The following WAPL variants were observed in gnomAD, a reference collection of about 807,000 sequenced individuals.
WAPL encodes WAPL cohesin release factor.
In WAPL, 5 loss-of-function variants were observed where a neutral mutation model predicts 121.0. That is an observed-to-expected ratio of 0.04 (90% confidence interval 0.02 to 0.09). The LOEUF (loss-of-function observed/expected upper bound fraction) is 0.09. Ranked by LOEUF, WAPL falls within the 10% of genes least tolerant of loss-of-function variation. WAPL has a pLI of 1.00. For synonymous variants in WAPL, 480 were observed against 481.5 expected (o/e 1.00, Z 0.04); for missense variants, 999 against 1,410.8 (o/e 0.71, Z 4.68).
Position 86,488,762 on chromosome 10 carries a change from C to T in WAPL, c.1644+8439G>A, listed in dbSNP as rs536242159. On this transcript the variant is annotated intron_variant, in intron 4 of 18. Transcript: ENST00000298767. ...TAAAAATACATGCATATACTCTAAC[C>T]TACATGGAGGGGAAGAAAATATCTA... Among the ~76,000 whole-genome samples the T allele has an allele frequency of 4.6e-5, 7 of 152,264 alleles. No individual in the cohort carries two copies. The South Asian group carries it at 1.4e-3, about 32-fold the overall frequency.
chr10:86,462,287 T>C (rs1841296495), intron 9 of WAPL, among the ~76,000 whole-genome samples: 1 of 152,218 alleles, frequency 6.6e-6, no homozygotes, highest in South Asian at 2.1e-4. Flanking sequence ...GAGTTTACAT[T>C]AAGTCCTTCA....
At chr10:86,481,700 A>G (rs1371493531) in intron 4 of WAPL, among the ~76,000 whole-genome samples, 1 of 152,130 alleles carries the variant, frequency 6.6e-6, no homozygotes, top group Non-Finnish European at 1.5e-5. Flanking sequence ...TTATTTTTAT[A>G]TAAAAAAGAA....
chr10:86,507,880 A>G (rs1842382335), intron 2 of WAPL, among the ~76,000 whole-genome samples: 1 of 152,070 alleles, frequency 6.6e-6, no homozygotes. Flanking sequence ...TAAATTCCAC[A>G]GTCTATCTTC....
intron 16 of WAPL, among the ~76,000 whole-genome samples, chr10:86,444,257 T>C (rs1849545471): frequency 6.6e-6 from 1 of 152,176 alleles, no homozygotes; most frequent in East Asian, 1.9e-4. Flanking sequence ...GAATGTAAAA[T>C]AGTGCAGCCA....
At chr10:86,487,101 G>A (rs1311827285) in intron 4 of WAPL, among the ~76,000 whole-genome samples, 7 of 151,900 alleles carry the variant, frequency 4.6e-5, no homozygotes, top group Non-Finnish European at 8.8e-5. Flanking sequence ...AACCAACCCC[G>A]CAAGCACTGA....
intron 17 of WAPL, 106 bp from the exon 18 acceptor site, chr10:86,438,121 A>T: frequency 1.4e-6 from 1 of 735,676 alleles, no homozygotes; most frequent in Non-Finnish European, 2.3e-6. Flanking sequence ...AATTTTTAAG[A>T]TCCTTGGAAC....
At chr10:86,496,000 GCTA>G (rs1842143281) in intron 4 of WAPL, among the ~76,000 whole-genome samples, 1 of 152,150 alleles carries the variant, frequency 6.6e-6, no homozygotes, top group Non-Finnish European at 1.5e-5. Flanking sequence ...TGTAATCCCA[GCTA>G]CTTGGGAGGC....
rs563304716 is a variant in WAPL, at chr10:86,512,235, C to CAATACCA, written c.499+5329_499+5335dup. Among the ~76,000 whole-genome samples the CAATACCA allele has an allele frequency of 2.6e-4, 39 of 152,304 alleles. No individual in the cohort carries two copies. In the East Asian group the frequency reaches 6.7e-3, roughly 26 times the overall value. Reference sequence around the variant, plus strand: ...TAAATCCAAGTTCAAAATCTCCTGACAATACCATCCCTCTAACTTACACAA... The same window carrying CAATACCA: ...TAAATCCAAGTTCAAAATCTCCTGACAATACCAAATACCATCCCTCTAACTTACACAA... On this transcript the variant is annotated intron_variant, in intron 2 of 18. Transcript: ENST00000298767.
intron 15 of WAPL, among the ~76,000 whole-genome samples, chr10:86,450,193 TAA>T (rs1344799260): frequency 2.6e-5 from 4 of 152,144 alleles, no homozygotes; most frequent in Non-Finnish European, 5.9e-5. Flanking sequence ...TATTTTGAAA[TAA>T]AAAGTTTAAA....
intron 1 of WAPL, among the ~76,000 whole-genome samples, chr10:86,518,755 T>G (rs1358182277): frequency 2.6e-5 from 4 of 152,252 alleles, no homozygotes; most frequent in Admixed American, 2.0e-4. Context: ...TGATTAAATT[T>G]AGTTCTTTGA....
intron 1 of WAPL, among the ~76,000 whole-genome samples, chr10:86,520,923 A>T (rs1011352153): frequency 6.6e-6 from 1 of 152,172 alleles, no homozygotes; most frequent in Non-Finnish European, 1.5e-5. Context: ...ACCTGGGGAC[A>T]GCCGGGGCGC....
In WAPL at chr10:86,473,742, A is replaced by G. The variant is rs571607973; in HGVS notation, c.1740+136T>C. ...TTTCCAATGAATTAAACTGAAACTA[A>G]TAAGTTTCAGTAAAGAAAGCCAAAA... On this transcript the variant is annotated intron_variant, in intron 5 of 18. Transcript: ENST00000298767. The G allele has an allele frequency of 8.3e-5, 52 of 629,152 alleles. No homozygotes were observed. In the East Asian group the frequency reaches 8.9e-4, roughly 11 times the overall value. 39.0% of individuals were successfully genotyped at this position (629,152 alleles called of 1,614,324 possible).
intron 4 of WAPL, among the ~76,000 whole-genome samples, chr10:86,475,019 A>T (rs913332529): frequency 1.3e-5 from 2 of 152,226 alleles, no homozygotes; most frequent in Non-Finnish European, 1.5e-5. Context: ...TTTCTGCAGC[A>T]AAATGTTACA....
chr10:86,454,190 G>A (rs1365978091), intron 12 of WAPL, among the ~76,000 whole-genome samples: 1 of 152,184 alleles, frequency 6.6e-6, no homozygotes, highest in African/African-American at 2.4e-5. Flanking sequence ...AAATGTTAAT[G>A]TAAAGACAAG....
intron 4 of WAPL, among the ~76,000 whole-genome samples, chr10:86,477,286 CTG>C (rs1841680539): frequency 6.6e-6 from 1 of 152,194 alleles, no homozygotes. Flanking sequence ...CCTAAGTGAA[CTG>C]TGTATGTAAA....
At chr10:86,439,141 A>G (rs1364229090) in intron 17 of WAPL, among the ~76,000 whole-genome samples, 1 of 152,148 alleles carries the variant, frequency 6.6e-6, no homozygotes, top group Non-Finnish European at 1.5e-5. Context: ...GAGAGATGAC[A>G]TATTTCTCTT....
chr10:86,508,448 T>C (rs1352678692), intron 2 of WAPL, among the ~76,000 whole-genome samples: 1 of 151,992 alleles, frequency 6.6e-6, no homozygotes, highest in Non-Finnish European at 1.5e-5. Flanking sequence ...ATCCCTCACA[T>C]CCCTCTAGCT....
intron 15 of WAPL, among the ~76,000 whole-genome samples, chr10:86,450,441 G>T (rs1316532701): frequency 2.6e-5 from 4 of 152,104 alleles, no homozygotes; most frequent in Admixed American, 6.5e-5. Context: ...TCACTATGTT[G>T]CCCATGCTGG....
intron 4 of WAPL, among the ~76,000 whole-genome samples, chr10:86,491,080 A>T (rs117194312): frequency 6.7e-6 from 1 of 149,596 alleles, no homozygotes; most frequent in Non-Finnish European, 1.5e-5. Flanking sequence ...TAAATAAATA[A>T]ATACATACAT....
Sources: gnomAD v4.1 joint callset for allele counts (sites outside exome capture counted in the v4.1 genomes callset) on GRCh38, gnomAD v4.1.1 for gene constraint, MANE v1.5 for transcripts, NCBI Gene and HGNC (gene_info 2026-07-23, HGNC 2026-07-21) for gene names.